The following PALS2 variants were observed in gnomAD, a reference collection of about 807,000 sequenced individuals.
PALS2 encodes the protein protein PALS2.
Under a neutral mutation model 61.6 loss-of-function variants are expected in PALS2, and 27 were observed. The observed-to-expected ratio is 0.44, with a 90% CI of 0.32 to 0.60. The LOEUF (loss-of-function observed/expected upper bound fraction) is 0.60. Ranked by LOEUF, PALS2 falls within the 20% of genes least tolerant of loss-of-function variation. The pLI, the probability that PALS2 is intolerant of heterozygous loss-of-function variation, is 0.05. For synonymous variants in PALS2, 236 were observed against 218.6 expected, an observed-to-expected ratio of 1.08 and a Z score of -0.70; for missense variants, 554 against 639.4, an observed-to-expected ratio of 0.87 and a Z score of 1.44.
chr7:24,677,164 T>C (rs1787656356), intron 9 of PALS2, among the ~76,000 whole-genome samples: 1 of 152,200 alleles, frequency 6.6e-6, no homozygotes, highest in Non-Finnish European at 1.5e-5. Flanking sequence ...ACTCATGATT[T>C]GGCTCTCTGT....
intron 2 of PALS2, among the ~76,000 whole-genome samples, chr7:24,632,995 C>T (rs1003911859): frequency 6.6e-6 from 1 of 151,226 alleles, no homozygotes. Flanking sequence ...TACAGTGCAA[C>T]TACCTTATAA....
intron 3 of PALS2, among the ~76,000 whole-genome samples, 157 bp from the exon 4 acceptor site, chr7:24,649,455 A>G (rs1786025235): frequency 6.6e-6 from 1 of 152,134 alleles, no homozygotes; most frequent in African/African-American, 2.4e-5. Context: ...CTTAAAAATT[A>G]TATATTTATT....
intron 5 of PALS2, among the ~76,000 whole-genome samples, chr7:24,662,225 C>T (rs991501327): frequency 9.9e-5 from 15 of 152,054 alleles, no homozygotes; most frequent in Non-Finnish European, 1.9e-4. Context: ...TCCCAGATTT[C>T]GTTATTTTAA....
At chr7:24,665,035 T>A (rs918293260) in intron 6 of PALS2, among the ~76,000 whole-genome samples, 1 of 152,210 alleles carries the variant, frequency 6.6e-6, no homozygotes, top group Admixed American at 6.5e-5. Flanking sequence ...GCCACTATTT[T>A]AAAATATTTC....
chr7:24,584,022 T>C (rs1474899844), intron 1 of PALS2, among the ~76,000 whole-genome samples: 15 of 150,098 alleles, frequency 1.0e-4, no homozygotes, highest in African/African-American at 3.4e-4. Context: ...TAGTATTCCA[T>C]GGTGTATATG....
chr7:24,634,509 C>T (rs1410520863), intron 2 of PALS2, among the ~76,000 whole-genome samples: 1 of 152,152 alleles, frequency 6.6e-6, no homozygotes, highest in Admixed American at 6.5e-5. Flanking sequence ...GGATTACAGT[C>T]GTGAGCCACC....
At chr7:24,619,901 CCT>C (rs1348103959) in intron 1 of PALS2, among the ~76,000 whole-genome samples, 2 of 151,912 alleles carry the variant, frequency 1.3e-5, no homozygotes, top group Non-Finnish European at 2.9e-5. Flanking sequence ...GAAAAACTTC[CCT>C]GTTTTTCTGG....
intron 9 of PALS2, among the ~76,000 whole-genome samples, chr7:24,669,860 C>T (rs1203814857): frequency 6.6e-6 from 1 of 152,178 alleles, no homozygotes; most frequent in Non-Finnish European, 1.5e-5. Flanking sequence ...AGAACAAAAA[C>T]TTCACTGTAA....
chr7:24,592,291 G>A (rs1783318419), intron 1 of PALS2, among the ~76,000 whole-genome samples: 1 of 152,104 alleles, frequency 6.6e-6, no homozygotes, highest in South Asian at 2.1e-4. Context: ...GTCAGGGAAG[G>A]CTTCATTTGA....
chr7:24,617,826 G>A (rs1784346201), intron 1 of PALS2, among the ~76,000 whole-genome samples: 1 of 152,180 alleles, frequency 6.6e-6, no homozygotes, highest in Non-Finnish European at 1.5e-5. Context: ...CTGGCTGGTG[G>A]CATGGGCACA....
At chr7:24,628,335 C>T (rs1209360242) in intron 2 of PALS2, among the ~76,000 whole-genome samples, 1 of 152,142 alleles carries the variant, frequency 6.6e-6, no homozygotes, top group Non-Finnish European at 1.5e-5. Flanking sequence ...GCTAAAAACA[C>T]TCAATAAACT....
chr7:24,574,031 T>G (rs1346153567), intron 1 of PALS2: 1 of 151,974 alleles, frequency 6.6e-6, no homozygotes, highest in Non-Finnish European at 1.5e-5. Flanking sequence ...CGGTGGAGCC[T>G]GAATGGAGAG....
intron 1 of PALS2, among the ~76,000 whole-genome samples, chr7:24,623,439 A>G (rs141032227): frequency 6.7e-4 from 102 of 152,256 alleles, no homozygotes; most frequent in Non-Finnish European, 1.3e-3. Context: ...GTAGTCTGAT[A>G]AAGTCCAAAT....
chr7:24,603,956 C>G (rs1391913832), intron 1 of PALS2, among the ~76,000 whole-genome samples: 1 of 151,988 alleles, frequency 6.6e-6, no homozygotes, highest in African/African-American at 2.4e-5. Context: ...GAGTCATCAT[C>G]GGGAAAAATA....
chr7:24,635,654 T>C (rs1785199993), intron 2 of PALS2, among the ~76,000 whole-genome samples: 1 of 152,196 alleles, frequency 6.6e-6, no homozygotes, highest in African/African-American at 2.4e-5. Context: ...AATCTTTCAC[T>C]AGTAAATATA....
intron 1 of PALS2, among the ~76,000 whole-genome samples, chr7:24,576,536 A>G (rs1273918728): frequency 6.6e-6 from 1 of 152,188 alleles, no homozygotes; most frequent in Non-Finnish European, 1.5e-5. Flanking sequence ...ATCATTCTTT[A>G]TAGACTGTGT....
intron 2 of PALS2, among the ~76,000 whole-genome samples, chr7:24,637,690 TA>T (rs1785307336): frequency 6.6e-6 from 1 of 152,240 alleles, no homozygotes; most frequent in African/African-American, 2.4e-5. Flanking sequence ...ACTTTAGATA[TA>T]GCCCACAACT....
rs143591241 is a variant in PALS2, at chr7:24,606,725, G to T, written c.-2-16941G>T. Reference sequence around the variant, plus strand: ...CCCAAAGTTCTAGGATTATAGGAATGAGCCACTGCTCCTGGCCTATTTACT... The same window carrying T: ...CCCAAAGTTCTAGGATTATAGGAATTAGCCACTGCTCCTGGCCTATTTACT... On this transcript the variant is annotated intron_variant, in intron 1 of 11. Coordinates refer to ENST00000222644, the MANE Select transcript of PALS2 (RefSeq NM_001303037.2). 1.3e-4 allele frequency among the ~76,000 whole-genome samples: 20 copies of T among 152,100 alleles called. No individual in the cohort carries two copies. In the East Asian group the frequency reaches 3.7e-3, roughly 28 times the overall value.
At chr7:24,665,873 T>A in intron 7 of PALS2, 148 bp from the exon 8 acceptor site, 1 of 935,980 alleles carries the variant, frequency 1.1e-6, no homozygotes, top group Non-Finnish European at 1.6e-6. Context: ...AGTATCAAAA[T>A]TCAGTGGCTT....
Sources: allele counts gnomAD v4.1 joint callset (sites outside exome capture counted in the v4.1 genomes callset), GRCh38; gene constraint gnomAD v4.1.1; transcripts MANE v1.5; gene names NCBI Gene and HGNC (gene_info 2026-07-23, HGNC 2026-07-21).